Variants in ZBTB11 observed in about 807,000 individuals in gnomAD.
ZBTB11 encodes zinc finger and BTB domain-containing protein 11.
A neutral mutation model predicts 113.1 loss-of-function variants in ZBTB11; 68 were observed. The ratio of observed to expected loss-of-function variants is 0.60; its 90% CI spans 0.49 to 0.74. The LOEUF (loss-of-function observed/expected upper bound fraction) is 0.74. ZBTB11 is among the 30% of genes least tolerant of loss of function. ZBTB11 has a pLI of 0.00. For synonymous variants in ZBTB11, 518 were observed against 452.6 expected, an observed-to-expected ratio of 1.14 and a Z score of -1.83; for missense variants, 1,104 against 1,279.4, an observed-to-expected ratio of 0.86 and a Z score of 2.09.
Position 101,665,194 on chromosome 3 carries a change from T to C in ZBTB11, c.1393A>G (p.Ile465Val), listed in dbSNP as rs765543633. Residue 465 changes from isoleucine to valine, a missense_variant, in exon 4 of 11, where the codon ATT becomes GTT. By Grantham distance (29) the Ile-to-Val change is conservative. Coordinates refer to ENST00000312938, the MANE Select transcript of ZBTB11 (RefSeq NM_014415.4). ...TGTTTTGGAATGTCTTCGGCACAAA[T>C]ATCCTCAGCTGATATATCATTTCCC... ...GMGNDISAEDICAEDIPKHRQ... is the reference protein window; with the variant it reads ...GMGNDISAEDVCAEDIPKHRQ... The C allele has an allele frequency of 2.7e-5, 43 of 1,614,096 alleles. No homozygotes were observed. The highest frequency in any genetic ancestry group is 9.9e-5 in the South Asian group (9 of 91,090).
At chr3:101,667,089 T>C (rs2108324870) in intron 3 of ZBTB11, among the ~76,000 whole-genome samples, 1 of 152,336 alleles carries the variant, frequency 6.6e-6, no homozygotes, top group East Asian at 1.9e-4. Context: ...GCCCTTGCTC[T>C]GTCATCCAGG....
intron 7 of ZBTB11, among the ~76,000 whole-genome samples, chr3:101,655,374 T>C (rs1936778102): frequency 1.3e-5 from 2 of 152,238 alleles, no homozygotes; most frequent in African/African-American, 4.8e-5. Context: ...ATTGTAATAG[T>C]ACTAGAGTTG....
At chr3:101,660,084 A>G in intron 5 of ZBTB11, 56 bp from the exon 6 acceptor site, 1 of 1,542,726 alleles carries the variant, frequency 6.5e-7, no homozygotes, top group Admixed American at 1.9e-5. Context: ...ATGTTAACTG[A>G]AACTCAACTC....
intron 3 of ZBTB11, among the ~76,000 whole-genome samples, chr3:101,669,150 A>G (rs983879124): frequency 3.3e-5 from 5 of 152,130 alleles, no homozygotes; most frequent in African/African-American, 4.8e-5. Flanking sequence ...CTCCTACCTC[A>G]GCCTCCAAAG....
intron 5 of ZBTB11, among the ~76,000 whole-genome samples, chr3:101,662,713 T>C (rs1936912860): frequency 6.6e-6 from 1 of 152,174 alleles, no homozygotes. Context: ...GTTCTGAAGT[T>C]TTTTTCTTTT....
chr3:101,661,244 A>C (rs1457885606), intron 5 of ZBTB11, among the ~76,000 whole-genome samples: 4 of 150,856 alleles, frequency 2.7e-5, no homozygotes, highest in African/African-American at 7.4e-5. Context: ...AAAAAAAAAA[A>C]AAAAAAAAAA....
intron 1 of ZBTB11, among the ~76,000 whole-genome samples, chr3:101,675,013 C>T (rs931196291): frequency 2.0e-5 from 3 of 152,198 alleles, no homozygotes; most frequent in African/African-American, 2.4e-5. Flanking sequence ...GTCGAGGCTA[C>T]AGTGAGCTGT....
In ZBTB11 at chr3:101,651,310, T is replaced by C; in HGVS notation, c.3018A>G (p.Pro1006=). The change falls in exon 11 of 11, where the codon CCA becomes CCG. Residue 1006 remains proline, a synonymous_variant. Coordinates refer to ENST00000312938, the MANE Select transcript of ZBTB11 (RefSeq NM_014415.4). ...LEAVAATEEY[P]SVSTLSDQSI... ...TTTGGTCAGAAAGTGTAGATACCGATGGATACTCTTCAGTAGCTGCAACAG... is the reference window on the plus strand; with the variant it reads ...TTTGGTCAGAAAGTGTAGATACCGACGGATACTCTTCAGTAGCTGCAACAG... 1.2e-6 allele frequency: 2 copies of C among 1,614,214 alleles called. No homozygotes were observed. The highest frequency in any genetic ancestry group is 1.7e-6 in the Non-Finnish European group (2 of 1,180,032).
intron 1 of ZBTB11, 104 bp from the exon 2 acceptor site, chr3:101,672,317 C>T (rs761683760): frequency 4.6e-5 from 32 of 698,352 alleles, no homozygotes; most frequent in Non-Finnish European, 6.9e-5. Context: ...TATGTGCAGA[C>T]ATTCATGTCC....
At position 101,649,331 on chromosome 3, in the gene ZBTB11, A is replaced by AT. The variant is rs970802391; in HGVS notation, c.*1834dup. Reference sequence around the variant, plus strand: ...TTAATATTGTGTTCCTCCAATCGTTATTTTTTAGTGTTTTATTTCCTTTCC... The same window carrying AT: ...TTAATATTGTGTTCCTCCAATCGTTATTTTTTTAGTGTTTTATTTCCTTTCC... On this transcript the variant is annotated 3_prime_UTR_variant, in exon 11 of 11. Transcript: ENST00000312938. 3 of 152,122 alleles carry AT rather than the reference A, an allele frequency of 2.0e-5. No homozygotes were observed. The highest frequency in any genetic ancestry group is 4.4e-5 in the Non-Finnish European group (3 of 68,008). 9.4% of individuals were successfully genotyped at this position (152,122 alleles called of 1,614,324 possible).
chr3:101,658,035 T>C (rs976571612), intron 6 of ZBTB11, among the ~76,000 whole-genome samples: 7 of 152,132 alleles, frequency 4.6e-5, no homozygotes, highest in African/African-American at 1.2e-4. Context: ...TACTTGCACA[T>C]GCATGTTTAC....
intron 5 of ZBTB11, among the ~76,000 whole-genome samples, chr3:101,663,364 G>A (rs893618167): frequency 3.3e-5 from 5 of 152,086 alleles, no homozygotes; most frequent in African/African-American, 9.7e-5. Flanking sequence ...GAGCCACTGC[G>A]CCCAGCCAAA....
Position 101,676,666 on chromosome 3 carries a change from G to C in ZBTB11, c.249C>G (p.Gly83=), listed in dbSNP as rs1278446433. 1.3e-6 allele frequency: 2 copies of C among 1,588,524 alleles called. No homozygotes were observed. Among genetic ancestry groups the C allele is most frequent in the Non-Finnish European group, 1.7e-6 (2 of 1,165,776 alleles). Reference sequence around the variant, plus strand: ...TCTGATGCCGGGTGTGGTGAGTGCCGCCGGGACCCAGGTGCGCCGCCTCGA... The same window carrying C: ...TCTGATGCCGGGTGTGGTGAGTGCCCCCGGGACCCAGGTGCGCCGCCTCGA... ...DLIEAAHLGP[G]GTHHTRHQTW... is the part of the protein sequence containing the mutation. Residue 83 remains glycine (G), a synonymous_variant, in exon 1 of 11, where the codon GGC becomes GGG. Coordinates refer to ENST00000312938, the MANE Select transcript of ZBTB11 (RefSeq NM_014415.4).
At chr3:101,668,004 C>A (rs536268905) in intron 3 of ZBTB11, among the ~76,000 whole-genome samples, 1 of 152,220 alleles carries the variant, frequency 6.6e-6, no homozygotes, top group African/African-American at 2.4e-5. Flanking sequence ...TAAATATGCA[C>A]AGTGGAATAC....
chr3:101,676,310 G>A (rs1417222471), intron 1 of ZBTB11, among the ~76,000 whole-genome samples: 1 of 152,246 alleles, frequency 6.6e-6, no homozygotes, highest in Non-Finnish European at 1.5e-5. Context: ...CGCCCAAGGA[G>A]GCGGACCTGG....
At chr3:101,674,914 G>A (rs977142284) in intron 1 of ZBTB11, among the ~76,000 whole-genome samples, 3 of 152,086 alleles carry the variant, frequency 2.0e-5, no homozygotes, top group Non-Finnish European at 4.4e-5. Flanking sequence ...TGTGACTTTT[G>A]TTGTGTTATT....
intron 8 of ZBTB11, among the ~76,000 whole-genome samples, chr3:101,653,284 G>A (rs1186161293): frequency 1.3e-5 from 2 of 152,190 alleles, no homozygotes; most frequent in African/African-American, 2.4e-5. Context: ...CCTAGGGATA[G>A]AGCAAATGAC....
Position 101,656,102 on chromosome 3 carries a change from A to G in ZBTB11, c.2191+2T>C. On this transcript the variant is annotated splice_donor_variant, in intron 7 of 10. Transcript: ENST00000312938. LOFTEE classifies it high-confidence loss of function. The stretch of plus-strand genomic sequence containing the variant: ...ACTATGTCAATATAAATTTCTCATT[A>G]CCTGTGTGAATACTCATATGTTCTT... 6.6e-7 allele frequency: 1 copy of G among 1,508,104 alleles called. No individual in the cohort carries two copies. Among genetic ancestry groups the G allele is most frequent in the Non-Finnish European group, 8.9e-7 (1 of 1,127,718 alleles). The allele number at this position is 1,508,104 out of a possible 1,614,324, so 93.4% of individuals were successfully genotyped here.
Position 101,652,788 on chromosome 3 carries a change from C to A in ZBTB11, c.2460G>T (p.Glu820Asp). ...YSHVKSHSVT[E>D]PYRCNICGKE... ...TTCTCAAATTTACTCACCTATAAGG[C>A]TCAGTGACAGAATGAGACTTCACAT... The change falls in exon 9 of 11, where the codon GAG becomes GAT. Residue 820 changes from glutamate to aspartate, a missense_variant. Physicochemically the swap from Glu to Asp is conservative, Grantham distance 45. Transcript: ENST00000312938. 1 of 1,613,352 alleles carries A rather than the reference C, an allele frequency of 6.2e-7. No homozygotes were observed. The highest frequency in any genetic ancestry group is 8.5e-7 in the Non-Finnish European group (1 of 1,179,834).
Sources: gnomAD v4.1 joint callset for allele counts (sites outside exome capture counted in the v4.1 genomes callset) on GRCh38, gnomAD v4.1.1 for gene constraint, MANE v1.5 for transcripts, NCBI Gene and HGNC (gene_info 2026-07-23, HGNC 2026-07-21) for gene names.